DCDC1: variants seen among roughly 807,000 people sequenced by gnomAD.
The protein encoded by DCDC1 is doublecortin domain-containing protein 1.
Under a neutral mutation model 178.3 loss-of-function variants are expected in DCDC1, and 200 were observed. The observed-to-expected ratio is 1.12, with a 90% CI of 1.00 to 1.26. DCDC1 has a LOEUF of 1.26. Among genes scored for constraint, DCDC1 ranks in the 50% most tolerant of loss-of-function variants. The pLI, the probability that DCDC1 is intolerant of heterozygous loss-of-function variation, is 0.00. For missense variants in DCDC1, 1,983 were observed against 1,749.2 expected (o/e 1.13, Z -2.38); for synonymous variants, 690 against 604.8 (o/e 1.14, Z -2.07).
At chr11:30,932,125 G>T (rs1389315253) in intron 21 of DCDC1, among the ~76,000 whole-genome samples, 173 bp from the exon 22 acceptor site, 1 of 152,116 alleles carries the variant, frequency 6.6e-6, no homozygotes, top group African/African-American at 2.4e-5. Flanking sequence ...ATTTGAAGAG[G>T]AAAGATAATT....
intron 20 of DCDC1, among the ~76,000 whole-genome samples, chr11:30,982,734 T>G (rs1950453354): frequency 6.6e-6 from 1 of 152,034 alleles, no homozygotes; most frequent in African/African-American, 2.4e-5. Context: ...ATTTTTCATT[T>G]TTTTCTACTG....
chr11:30,922,800 A>G (rs1346845972), intron 23 of DCDC1, among the ~76,000 whole-genome samples, 162 bp from the exon 24 acceptor site: 4 of 152,244 alleles, frequency 2.6e-5, no homozygotes, highest in Non-Finnish European at 5.9e-5. Flanking sequence ...AAAAAAATCA[A>G]ACTGCTGATA....
At chr11:31,267,806 GAA>G (rs1945271206) in intron 7 of DCDC1, among the ~76,000 whole-genome samples, 1 of 152,206 alleles carries the variant, frequency 6.6e-6, no homozygotes, top group African/African-American at 2.4e-5. Flanking sequence ...GAAACAAAAA[GAA>G]GAGTGGAACA....
At chr11:31,110,710 CA>C (rs10714067) in intron 11 of DCDC1, among the ~76,000 whole-genome samples, 63,036 of 142,262 alleles carry the variant, frequency 0.44, 13,356 homozygotes, top group East Asian at 0.7. Context: ...AAGCAAGTGT[CA>C]AAAAAAAAAA....
At chr11:31,187,847 G>A (rs531374521) in intron 9 of DCDC1, among the ~76,000 whole-genome samples, 4 of 152,174 alleles carry the variant, frequency 2.6e-5, no homozygotes, top group African/African-American at 9.6e-5. Context: ...CCATCCCTTC[G>A]CCAAATAATG....
chr11:31,124,398 C>G (rs1961287407), intron 11 of DCDC1, among the ~76,000 whole-genome samples: 1 of 152,014 alleles, frequency 6.6e-6, no homozygotes, highest in Admixed American at 6.6e-5. Context: ...CATTAAATTA[C>G]CATTGACATT....
At chr11:31,256,137 G>A (rs1468214412) in intron 8 of DCDC1, among the ~76,000 whole-genome samples, 1 of 152,180 alleles carries the variant, frequency 6.6e-6, no homozygotes, top group Non-Finnish European at 1.5e-5. Context: ...GGCCACAGAT[G>A]TATTGGTTTA....
chr11:31,286,029 CA>C (rs1348338651), intron 7 of DCDC1, among the ~76,000 whole-genome samples: 1 of 152,004 alleles, frequency 6.6e-6, no homozygotes, highest in Non-Finnish European at 1.5e-5. Context: ...GGAGAACAAG[CA>C]AAAAGGAACT....
chr11:31,220,160 A>G (rs1181377440), intron 9 of DCDC1, among the ~76,000 whole-genome samples: 25 of 152,216 alleles, frequency 1.6e-4, no homozygotes, highest in Admixed American at 1.6e-3. Flanking sequence ...GACACAAATG[A>G]CATTCTTATA....
chr11:31,356,119 A>G (rs1461832551), intron 1 of DCDC1, among the ~76,000 whole-genome samples: 1 of 152,228 alleles, frequency 6.6e-6, no homozygotes. Flanking sequence ...AGTATAAAAA[A>G]GCTATGCCAG....
intron 2 of DCDC1, among the ~76,000 whole-genome samples, chr11:31,332,068 G>A (rs1950021132): frequency 6.6e-6 from 1 of 152,122 alleles, no homozygotes; most frequent in African/African-American, 2.4e-5. Flanking sequence ...CCTGTTATTG[G>A]TCTATTCAGA....
intron 17 of DCDC1, among the ~76,000 whole-genome samples, chr11:31,083,741 C>T (rs1488376769): frequency 6.6e-6 from 1 of 152,148 alleles, no homozygotes; most frequent in African/African-American, 2.4e-5. Context: ...AACATGCAAG[C>T]CAAACAAAAT....
At chr11:31,095,706 T>C (rs1958106924) in intron 15 of DCDC1, among the ~76,000 whole-genome samples, 1 of 152,204 alleles carries the variant, frequency 6.6e-6, no homozygotes, top group Non-Finnish European at 1.5e-5. Flanking sequence ...AGATTACATA[T>C]GCCAAAGGTG....
At chr11:30,925,207 G>T (rs1590384763) in intron 23 of DCDC1, 102 bp downstream of exon 23, 1 of 998,742 alleles carries the variant, frequency 1.0e-6, no homozygotes, top group African/African-American at 1.6e-5. Context: ...GAGAAAATAA[G>T]AATTAAAATG....
At chr11:31,054,378 T>A (rs1444161845) in intron 20 of DCDC1, among the ~76,000 whole-genome samples, 7 of 152,060 alleles carry the variant, frequency 4.6e-5, no homozygotes, top group African/African-American at 1.7e-4. Context: ...TCCTCACAGA[T>A]GGGTAGAACT....
chr11:31,170,683 A>G (rs954590480), intron 9 of DCDC1, among the ~76,000 whole-genome samples: 6 of 152,226 alleles, frequency 3.9e-5, no homozygotes, highest in Non-Finnish European at 7.3e-5. Flanking sequence ...ATAGTACTAC[A>G]TACTGTAAAA....
intron 12 of DCDC1, among the ~76,000 whole-genome samples, chr11:31,109,287 T>A (rs1959049367): frequency 6.6e-6 from 1 of 152,116 alleles, no homozygotes; most frequent in African/African-American, 2.4e-5. Context: ...CAGGCTAATT[T>A]TTTTTATTTT....
intron 20 of DCDC1, among the ~76,000 whole-genome samples, chr11:31,053,515 G>A (rs961146559): frequency 6.6e-6 from 1 of 151,850 alleles, no homozygotes; most frequent in African/African-American, 2.4e-5. Flanking sequence ...AACCCAGAAA[G>A]GACATAACCA....
intron 11 of DCDC1, among the ~76,000 whole-genome samples, chr11:31,120,417 G>C (rs143420833): frequency 6.6e-6 from 1 of 152,176 alleles, no homozygotes; most frequent in Non-Finnish European, 1.5e-5. Context: ...AAATACTTCT[G>C]TGTAAGTATT....
Sources: allele counts gnomAD v4.1 joint callset (sites outside exome capture counted in the v4.1 genomes callset), GRCh38; gene constraint gnomAD v4.1.1; transcripts MANE v1.5; gene names NCBI Gene and HGNC (gene_info 2026-07-23, HGNC 2026-07-21).